The following PCDHGB3 variants were observed in gnomAD, a reference collection of about 807,000 sequenced individuals.
The protein encoded by PCDHGB3 is protocadherin gamma-B3.
Under a neutral mutation model 59.2 loss-of-function variants are expected in PCDHGB3, and 40 were observed. The observed-to-expected ratio is 0.68, with a 90% CI of 0.52 to 0.88. The LOEUF is 0.88. Ranked by LOEUF, PCDHGB3 falls within the 40% of genes least tolerant of loss-of-function variation. The pLI is 0.00. For synonymous variants in PCDHGB3, 581 were observed against 503.6 expected (o/e 1.15, Z -2.06); for missense variants, 1,309 against 1,187.9 (o/e 1.10, Z -1.50).
chr5:141,418,244 C>G (rs746986702), intron 1 of PCDHGB3: 1 of 1,613,980 alleles, frequency 6.2e-7, no homozygotes. Flanking sequence ...TGTTAATGAC[C>G]ACGCCCCTCA....
rs150714552 is a variant in PCDHGB3, at chr5:141,473,285, G to A, written c.2416-21522G>A. On this transcript the variant is annotated intron_variant, in intron 1 of 3. Transcript: ENST00000576222. ...GTGTATGCTATGATTATTTTACTATGTCAGTAGCATAAAGATTGCTATATT... is the reference window on the plus strand; with the variant it reads ...GTGTATGCTATGATTATTTTACTATATCAGTAGCATAAAGATTGCTATATT... 3.9e-3 allele frequency among the ~76,000 whole-genome samples: 590 copies of A among 152,296 alleles called. 6 individuals are homozygous for A. Among genetic ancestry groups the A allele is most frequent in the Admixed American group, 0.011 (170 of 15,296 alleles).
At chr5:141,409,687 C>A (rs1190888512) in intron 1 of PCDHGB3, 2 of 1,613,202 alleles carry the variant, frequency 1.2e-6, no homozygotes, top group East Asian at 4.5e-5. Context: ...TGGCGAGTGA[C>A]CTAGAGCCCC....
At chr5:141,443,792 A>G (rs540226154) in intron 1 of PCDHGB3, among the ~76,000 whole-genome samples, 67 of 152,366 alleles carry the variant, frequency 4.4e-4, no homozygotes, top group African/African-American at 1.4e-3. Flanking sequence ...AAAAAAAATG[A>G]AAAGGAAACA....
intron 1 of PCDHGB3, chr5:141,402,809 C>A: frequency 4.9e-6 from 6 of 1,214,046 alleles, no homozygotes; most frequent in Non-Finnish European, 6.6e-6. Flanking sequence ...CCGGCAGATA[C>A]CACAAACCTG....
intron 1 of PCDHGB3, chr5:141,378,592 C>T (rs1309988973): frequency 6.6e-6 from 1 of 152,104 alleles, no homozygotes; most frequent in Non-Finnish European, 1.5e-5. Flanking sequence ...GTAGTGTCTG[C>T]TTACAGGACA....
chr5:141,442,870 T>A (rs942975420), intron 1 of PCDHGB3, among the ~76,000 whole-genome samples: 1 of 152,192 alleles, frequency 6.6e-6, no homozygotes, highest in African/African-American at 2.4e-5. Flanking sequence ...AGATGTAAAT[T>A]TACAACTCAG....
At chr5:141,458,899 T>A (rs1398965632) in intron 1 of PCDHGB3, among the ~76,000 whole-genome samples, 2 of 152,106 alleles carry the variant, frequency 1.3e-5, no homozygotes, top group African/African-American at 2.4e-5. Context: ...GCGCAGCTAA[T>A]TTTTTCTATT....
At chr5:141,420,160 T>G in intron 1 of PCDHGB3, 1 of 1,614,044 alleles carries the variant, frequency 6.2e-7, no homozygotes, top group Non-Finnish European at 8.5e-7. Flanking sequence ...AATTTAATTT[T>G]TTCACATCTG....
At chr5:141,413,148 C>G (rs370253778) in intron 1 of PCDHGB3, 10 of 1,570,530 alleles carry the variant, frequency 6.4e-6, no homozygotes, top group Middle Eastern at 1.7e-4. Flanking sequence ...CCAGTGAGGA[C>G]TTTGCAGAAT....
At chr5:141,492,216 C>T (rs1163022229) in intron 1 of PCDHGB3, among the ~76,000 whole-genome samples, 1 of 152,140 alleles carries the variant, frequency 6.6e-6, no homozygotes, top group Non-Finnish European at 1.5e-5. Context: ...GCGCGGGGCT[C>T]ATGCGTGTCC....
chr5:141,417,902 C>G (rs2096184021), intron 1 of PCDHGB3: 1 of 1,588,280 alleles, frequency 6.3e-7, no homozygotes, highest in Non-Finnish European at 8.6e-7. Context: ...CGGCCCGCGG[C>G]AGGTACTATT....
intron 1 of PCDHGB3, chr5:141,388,040 G>A (rs1561617548): frequency 7.1e-7 from 1 of 1,412,748 alleles, no homozygotes; most frequent in Non-Finnish European, 9.6e-7. Flanking sequence ...ACCTCGCCAC[G>A]GACCTGGGGT....
At chr5:141,408,844 C>G (rs1359968983) in intron 1 of PCDHGB3, 1 of 1,613,634 alleles carries the variant, frequency 6.2e-7, no homozygotes, top group South Asian at 1.1e-5. Context: ...TATTGACTGC[C>G]TTGGACGGAG....
Position 141,402,817 on chromosome 5 carries a change from C to T in PCDHGB3, c.2415+30008C>T, listed in dbSNP as rs1040353038. On this transcript the variant is annotated intron_variant, in intron 1 of 3. Transcript: ENST00000576222. ...ACAAAACCCGGCAGATACCACAAACCTGCTCCCAGGCTGCAGCAAAACTCA... is the reference window on the plus strand; with the variant it reads ...ACAAAACCCGGCAGATACCACAAACTTGCTCCCAGGCTGCAGCAAAACTCA... The T allele has an allele frequency of 6.3e-6, 8 of 1,267,616 alleles. No homozygotes were observed. In the African/African-American group the frequency reaches 1.2e-4, roughly 19 times the overall value. The allele number at this position is 1,267,616 out of a possible 1,614,324, so 78.5% of individuals were successfully genotyped here.
chr5:141,390,263 T>G (rs1249972080), intron 1 of PCDHGB3: 2 of 1,614,054 alleles, frequency 1.2e-6, no homozygotes, highest in Non-Finnish European at 1.7e-6. Context: ...GTAATTCCAG[T>G]GAATTGACTT....
At chr5:141,399,652 G>A in intron 1 of PCDHGB3, 1 of 1,613,758 alleles carries the variant, frequency 6.2e-7, no homozygotes, top group Non-Finnish European at 8.5e-7. Flanking sequence ...GCAAAGTGGG[G>A]TGGTGTTCGC....
At chr5:141,375,144 G>A (rs747224962) in intron 1 of PCDHGB3, 3 of 1,613,936 alleles carry the variant, frequency 1.9e-6, no homozygotes, top group Non-Finnish European at 2.5e-6. Flanking sequence ...TCTGGAAGCA[G>A]AACAATTGCT....
At chr5:141,498,220 G>T (rs1562182972) in intron 2 of PCDHGB3, among the ~76,000 whole-genome samples, 1 of 152,222 alleles carries the variant, frequency 6.6e-6, no homozygotes, top group Non-Finnish European at 1.5e-5. Flanking sequence ...GAGCATTCCA[G>T]ATGGTCAGGC....
rs2099883574 is a variant in PCDHGB3, at chr5:141,511,027, C to T, written c.2644C>T (p.Leu882=). The change falls in exon 4 of 4, where the codon CTG becomes TTG. Residue 882 remains leucine (L), a synonymous_variant. Transcript: ENST00000576222. ...CGCCCGCTACGGACCCCAGTTCACCCTGCAGCACGTGCCCGACTACCGCCA... is the reference window on the plus strand; with the variant it reads ...CGCCCGCTACGGACCCCAGTTCACCTTGCAGCACGTGCCCGACTACCGCCA... The part of the protein sequence containing the change: ...LSARYGPQFT[L]QHVPDYRQNV... 2 of 1,614,230 alleles carry T rather than the reference C, an allele frequency of 1.2e-6. No individual in the cohort carries two copies. The highest frequency in any genetic ancestry group is 1.7e-6 in the Non-Finnish European group (2 of 1,180,034).
Sources: allele counts gnomAD v4.1 joint callset (sites outside exome capture counted in the v4.1 genomes callset), GRCh38; gene constraint gnomAD v4.1.1; transcripts MANE v1.5; gene names NCBI Gene and HGNC (gene_info 2026-07-23, HGNC 2026-07-21).